Variants in NAALADL2 observed in about 807,000 individuals in gnomAD.
NAALADL2 encodes inactive N-acetylated-alpha-linked acidic dipeptidase-like protein 2.
NAALADL2 carries 76 observed loss-of-function variants against 87.2 expected under a neutral mutation model. The ratio of observed to expected loss-of-function variants is 0.87; its 90% CI spans 0.72 to 1.05. The LOEUF is 1.05. NAALADL2 is among the 50% of genes least tolerant of loss of function. The probability of loss-of-function intolerance (pLI) is 0.00; values close to 1 mark genes in which losing one functional copy is unlikely to be tolerated. For synonymous variants in NAALADL2, 354 were observed against 331.0 expected, an observed-to-expected ratio of 1.07 and a Z score of -0.75; for missense variants, 1,089 against 945.8, an observed-to-expected ratio of 1.15 and a Z score of -1.99.
At chr3:174,624,901 A>C (rs1287005157) in intron 2 of NAALADL2, among the ~76,000 whole-genome samples, 2 of 152,120 alleles carry the variant, frequency 1.3e-5, no homozygotes, top group East Asian at 3.9e-4. Context: ...TGTTCACATT[A>C]GTATTTTTAA....
At chr3:175,750,980 G>A (rs1484756886) in intron 12 of NAALADL2, among the ~76,000 whole-genome samples, 1 of 152,030 alleles carries the variant, frequency 6.6e-6, no homozygotes, top group African/African-American at 2.4e-5. Flanking sequence ...AAGAATAAAT[G>A]CAAACTGTTT....
intron 11 of NAALADL2, among the ~76,000 whole-genome samples, chr3:175,725,534 G>A (rs997756789): frequency 1.3e-5 from 2 of 152,062 alleles, no homozygotes; most frequent in African/African-American, 4.8e-5. Context: ...TTAAATAGGT[G>A]TAATCAGCCC....
chr3:174,951,272 G>A (rs1479883742), intron 1 of NAALADL2, among the ~76,000 whole-genome samples: 1 of 152,074 alleles, frequency 6.6e-6, no homozygotes, highest in Non-Finnish European at 1.5e-5. Flanking sequence ...AGACGTGAAT[G>A]TAATTCTCAG....
chr3:175,460,379 T>C (rs1353336828), intron 6 of NAALADL2, among the ~76,000 whole-genome samples: 1 of 152,208 alleles, frequency 6.6e-6, no homozygotes, highest in Non-Finnish European at 1.5e-5. Context: ...AAGTAGCTTT[T>C]TGCTATGTAA....
At chr3:174,441,343 C>T (rs1404021357) in intron 1 of NAALADL2, among the ~76,000 whole-genome samples, 1 of 152,204 alleles carries the variant, frequency 6.6e-6, no homozygotes, top group Non-Finnish European at 1.5e-5. Flanking sequence ...AGGCCCCCGC[C>T]CACCTCCCGA....
chr3:174,924,200 A>T (rs955240647), intron 1 of NAALADL2, among the ~76,000 whole-genome samples: 93 of 132,664 alleles, frequency 7.0e-4, no homozygotes, highest in Non-Finnish European at 1.3e-3. Context: ...TCCTAATGCT[A>T]TCCCTCCCCC....
At chr3:174,558,944 G>T (rs959379747) in intron 2 of NAALADL2, among the ~76,000 whole-genome samples, 4 of 152,134 alleles carry the variant, frequency 2.6e-5, no homozygotes, top group African/African-American at 9.7e-5. Flanking sequence ...ACATAAAATA[G>T]AGTTGCCTTT....
intron 9 of NAALADL2, among the ~76,000 whole-genome samples, chr3:175,554,468 C>T (rs187616787): frequency 6.6e-6 from 1 of 152,066 alleles, no homozygotes; most frequent in East Asian, 1.9e-4. Flanking sequence ...GGTATTTAGG[C>T]TATTTCTAAT....
At chr3:175,336,905 C>T (rs1401199476) in intron 5 of NAALADL2, among the ~76,000 whole-genome samples, 1 of 152,000 alleles carries the variant, frequency 6.6e-6, no homozygotes, top group Non-Finnish European at 1.5e-5. Flanking sequence ...GCAATTTTAT[C>T]TTGGAAAAAA....
At chr3:175,048,572 A>G (rs1249675323) in intron 1 of NAALADL2, among the ~76,000 whole-genome samples, 1 of 149,316 alleles carries the variant, frequency 6.7e-6, no homozygotes, top group Admixed American at 6.7e-5. Flanking sequence ...AAAGGAGATT[A>G]TTGTTCTGGT....
intron 2 of NAALADL2, among the ~76,000 whole-genome samples, chr3:175,173,650 T>C (rs567100758): frequency 1.4e-3 from 216 of 152,368 alleles, no homozygotes; most frequent in Non-Finnish European, 2.6e-3. Context: ...CCTACATTAG[T>C]TGAAAAAGAA....
chr3:175,235,171 T>G (rs559673967), intron 3 of NAALADL2: 1 of 152,246 alleles, frequency 6.6e-6, no homozygotes, highest in African/African-American at 2.4e-5. Context: ...ATCTAACTTA[T>G]TATTAACTTT....
rs114049574 is a variant in NAALADL2 at position 175,595,613 on chromosome 3, C to T, written c.1800+19426C>T. On this transcript the variant is annotated intron_variant, in intron 10 of 13. Transcript: ENST00000454872. ...CACCAATAATGCCCAGGCTTGGAGT[C>T]AAATCAAGAACACAATCCCATTTAT... Among the ~76,000 whole-genome samples, 168 of 151,930 alleles carry T rather than the reference C, an allele frequency of 1.1e-3. 1 individual carries two copies. The highest frequency in any genetic ancestry group is 3.8e-3 in the African/African-American group (159 of 41,452).
At chr3:175,492,602 C>A (rs2149348041) in intron 9 of NAALADL2, among the ~76,000 whole-genome samples, 1 of 152,206 alleles carries the variant, frequency 6.6e-6, no homozygotes, top group East Asian at 1.9e-4. Flanking sequence ...TTTTCCATGA[C>A]AATTCCAAGC....
intron 5 of NAALADL2, among the ~76,000 whole-genome samples, chr3:175,367,749 T>C (rs182472304): frequency 1.3e-5 from 2 of 152,172 alleles, no homozygotes; most frequent in African/African-American, 4.8e-5. Flanking sequence ...CTTAAGGAGA[T>C]TTTGGGCTGA....
At position 175,363,352 on chromosome 3, in the gene NAALADL2, G is replaced by A. The variant is rs893653389; in HGVS notation, c.1090+39027G>A. On this transcript the variant is annotated intron_variant, in intron 5 of 13. Coordinates refer to ENST00000454872, the MANE Select transcript of NAALADL2 (RefSeq NM_207015.3). ...TCCATTTGTTTGCTTTGTTTATTTC[G>A]TATTATGGCTTTTCTTCCAATATTA... Among the ~76,000 whole-genome samples the A allele has an allele frequency of 8.2e-5, 12 of 146,994 alleles. 1 individual carries two copies. The highest frequency in any genetic ancestry group is 2.5e-4 in the African/African-American group (10 of 40,446).
At chr3:174,575,301 T>G (rs1417114289) in intron 2 of NAALADL2, among the ~76,000 whole-genome samples, 4 of 152,168 alleles carry the variant, frequency 2.6e-5, no homozygotes, top group Non-Finnish European at 5.9e-5. Flanking sequence ...ATGACAGCAG[T>G]AAACACTTAA....
At chr3:174,910,723 T>C (rs1733584397) in intron 1 of NAALADL2, among the ~76,000 whole-genome samples, 1 of 151,960 alleles carries the variant, frequency 6.6e-6, no homozygotes, top group East Asian at 1.9e-4. Flanking sequence ...CAATATCAAG[T>C]TTGTTAATTG....
rs201973220 is a variant in NAALADL2, at chr3:175,641,015, TA to T, written c.1896+13637del. On this transcript the variant is annotated intron_variant, in intron 11 of 13. Coordinates refer to ENST00000454872, the MANE Select transcript of NAALADL2 (RefSeq NM_207015.3). ...TGAGAAGTCCTATGAAAGTCAGGGG[TA>T]AAAAAAAGGGATGCATTTATCCGTT... is the stretch of plus-strand genomic sequence containing the variant. 7.0e-3 allele frequency among the ~76,000 whole-genome samples: 1,065 copies of T among 152,012 alleles called. 11 individuals are homozygous for T. The highest frequency in any genetic ancestry group is 0.024 in the African/African-American group (1,012 of 41,476).
Sources: allele counts gnomAD v4.1 joint callset (sites outside exome capture counted in the v4.1 genomes callset), GRCh38; gene constraint gnomAD v4.1.1; transcripts MANE v1.5; gene names NCBI Gene and HGNC (gene_info 2026-07-23, HGNC 2026-07-21).